The following PTPN13 variants were observed in gnomAD, a reference collection of about 807,000 sequenced individuals.
PTPN13 encodes the protein tyrosine-protein phosphatase non-receptor type 13.
In PTPN13, 191 loss-of-function variants were observed where a neutral mutation model predicts 284.0. The observed-to-expected ratio is 0.67, with a 90% confidence interval of 0.60 to 0.76. The LOEUF is 0.76. PTPN13 is among the 30% of genes least tolerant of loss of function. The probability of loss-of-function intolerance (pLI) is 0.00; values close to 1 mark genes in which losing one functional copy is unlikely to be tolerated. For synonymous variants in PTPN13, 986 were observed against 1,022.3 expected, an observed-to-expected ratio of 0.96 and a Z score of 0.68; for missense variants, 2,797 against 2,939.9, an observed-to-expected ratio of 0.95 and a Z score of 1.12.
chr4:86,747,969 A>C (rs1373609876), intron 17 of PTPN13, among the ~76,000 whole-genome samples: 2 of 152,216 alleles, frequency 1.3e-5, no homozygotes, highest in African/African-American at 4.8e-5. Context: ...GGTTCAGAGA[A>C]GATAGTGTTT....
intron 2 of PTPN13, among the ~76,000 whole-genome samples, chr4:86,639,372 G>T (rs899733169): frequency 6.6e-6 from 1 of 152,122 alleles, no homozygotes; most frequent in Non-Finnish European, 1.5e-5. Context: ...AAAGACACAC[G>T]CACACATATG....
chr4:86,679,538 G>GT (rs972099935), intron 3 of PTPN13, among the ~76,000 whole-genome samples: 43 of 152,282 alleles, frequency 2.8e-4, no homozygotes, highest in African/African-American at 9.6e-4. Flanking sequence ...AGCCACCTAT[G>GT]TTTTATCAGG....
chr4:86,800,542 C>T (rs1274551388), intron 42 of PTPN13, among the ~76,000 whole-genome samples: 1 of 152,010 alleles, frequency 6.6e-6, no homozygotes, highest in Admixed American at 6.6e-5. Context: ...ATCCCAGCTA[C>T]TCGGGAGGCT....
chr4:86,726,547 A>C lies in PTPN13; in HGVS notation c.1608+4113A>C, dbSNP rs371959332. Among the ~76,000 whole-genome samples, 47 of 148,576 alleles carry C rather than the reference A, an allele frequency of 3.2e-4. 2 individuals carry two copies. The highest frequency in any genetic ancestry group is 6.9e-3 in the Middle Eastern group (2 of 288). The stretch of plus-strand genomic sequence containing the variant: ...GGTCCTTTATATCCCTTGTAAGTTG[A>C]ATTCCTAGGTATTTTATTTTCTTTG... On this transcript the variant is annotated intron_variant, in intron 10 of 47. Coordinates refer to ENST00000411767, the MANE Select transcript of PTPN13 (RefSeq NM_080683.3).
Position 86,716,626 on chromosome 4 carries a change from G to A in PTPN13, c.1291+1G>A, listed in dbSNP as rs777359765. 14 of 1,555,350 alleles carry A rather than the reference G, an allele frequency of 9.0e-6. No homozygotes were observed. The highest frequency in any genetic ancestry group is 1.2e-5 in the Non-Finnish European group (14 of 1,143,920). On this transcript the variant is annotated splice_donor_variant, in intron 8 of 47. Transcript: ENST00000411767. LOFTEE classifies it high-confidence loss of function. Reference sequence around the variant, plus strand: ...TCCTCTGAATCAGATTTCAGACAAGGTAGGAGGCATCTGAAACAAGCAAAC... The same window carrying A: ...TCCTCTGAATCAGATTTCAGACAAGATAGGAGGCATCTGAAACAAGCAAAC...
intron 9 of PTPN13, 32 bp downstream of exon 9, chr4:86,717,149 T>C: frequency 1.4e-6 from 2 of 1,425,692 alleles, no homozygotes; most frequent in Non-Finnish European, 2.0e-6. Context: ...ATGATACATT[T>C]CCAGTGACCA....
chr4:86,652,915 G>A (rs915702700), intron 2 of PTPN13, among the ~76,000 whole-genome samples: 1 of 151,554 alleles, frequency 6.6e-6, no homozygotes, highest in Non-Finnish European at 1.5e-5. Flanking sequence ...AGATCTCGTA[G>A]CCATGCTTTA....
intron 1 of PTPN13, among the ~76,000 whole-genome samples, chr4:86,610,774 G>A (rs1194105684): frequency 6.6e-6 from 1 of 152,188 alleles, no homozygotes; most frequent in African/African-American, 2.4e-5. Flanking sequence ...AAGCCCATGG[G>A]CCACCAGTAT....
At chr4:86,800,681 G>A (rs1392062474) in intron 42 of PTPN13, among the ~76,000 whole-genome samples, 1 of 144,262 alleles carries the variant, frequency 6.9e-6, no homozygotes, top group Non-Finnish European at 1.5e-5. Context: ...GAGAAAGAGA[G>A]AGAAGGAGAG....
intron 7 of PTPN13, among the ~76,000 whole-genome samples, chr4:86,704,382 T>C: frequency 6.6e-6 from 1 of 152,192 alleles, no homozygotes; most frequent in Middle Eastern, 3.2e-3. Context: ...TCTGTTAAAT[T>C]ATACCATAAT....
chr4:86,722,115 A>G, intron 9 of PTPN13, 97 bp from the exon 10 acceptor site: 1 of 989,500 alleles, frequency 1.0e-6, no homozygotes, highest in Non-Finnish European at 1.5e-6. Flanking sequence ...AAATTTGTTT[A>G]AACTCTTGCA....
At chr4:86,761,088 A>T (rs912328868) in intron 23 of PTPN13, among the ~76,000 whole-genome samples, 1 of 148,582 alleles carries the variant, frequency 6.7e-6, no homozygotes, top group Non-Finnish European at 1.5e-5. Flanking sequence ...TTTGGCATAC[A>T]TGTAGCCTTC....
intron 5 of PTPN13, among the ~76,000 whole-genome samples, chr4:86,691,056 C>G (rs1729969325): frequency 6.6e-6 from 1 of 151,874 alleles, no homozygotes; most frequent in Non-Finnish European, 1.5e-5. Flanking sequence ...CAAATTATGA[C>G]TGCATTGAAA....
chr4:86,696,816 T>C (rs1730640253), intron 6 of PTPN13, among the ~76,000 whole-genome samples: 1 of 152,046 alleles, frequency 6.6e-6, no homozygotes, highest in Non-Finnish European at 1.5e-5. Flanking sequence ...ATTTTGTTTG[T>C]GTTTCTATTT....
intron 15 of PTPN13, among the ~76,000 whole-genome samples, chr4:86,736,612 T>C (rs1344686360): frequency 6.6e-6 from 1 of 152,240 alleles, no homozygotes; most frequent in African/African-American, 2.4e-5. Context: ...TATGGACTTA[T>C]ACTTTTCTTA....
intron 2 of PTPN13, among the ~76,000 whole-genome samples, chr4:86,667,204 T>C (rs1299379757): frequency 6.6e-6 from 1 of 152,164 alleles, no homozygotes; most frequent in Admixed American, 6.5e-5. Flanking sequence ...AGAATATAAA[T>C]TCTTGAGAAC....
chr4:86,796,552 G>A (rs9307024), intron 40 of PTPN13, among the ~76,000 whole-genome samples: 15,146 of 152,196 alleles, frequency 0.1, 875 homozygotes, highest in Non-Finnish European at 0.11. Context: ...TGAGGCAGGA[G>A]GATTGCTTGA....
intron 7 of PTPN13, among the ~76,000 whole-genome samples, chr4:86,706,492 T>A (rs992279939): frequency 2.0e-5 from 3 of 152,070 alleles, no homozygotes; most frequent in African/African-American, 7.2e-5. Flanking sequence ...AACCATAAGG[T>A]GCAGGGGTTA....
chr4:86,639,944 A>T (rs1299298084), intron 2 of PTPN13, among the ~76,000 whole-genome samples: 1 of 152,186 alleles, frequency 6.6e-6, no homozygotes, highest in Non-Finnish European at 1.5e-5. Context: ...GATGCATGCT[A>T]AAGTTTGAGA....
Sources: allele counts gnomAD v4.1 joint callset (sites outside exome capture counted in the v4.1 genomes callset), GRCh38; gene constraint gnomAD v4.1.1; transcripts MANE v1.5; gene names NCBI Gene and HGNC (gene_info 2026-07-23, HGNC 2026-07-21).